Variants in KCNMA1 observed in about 807,000 individuals in gnomAD.
KCNMA1 encodes Calcium-activated potassium channel subunit alpha-1.
KCNMA1 carries 29 observed loss-of-function variants against 140.0 expected under a neutral mutation model. The observed-to-expected ratio is 0.21, with a 90% CI of 0.15 to 0.28. The LOEUF is 0.28. KCNMA1 is among the 10% of genes least tolerant of loss of function. The pLI is 1.00. For missense variants in KCNMA1, 880 were observed against 1,602.2 expected (o/e 0.55, Z 7.70); for synonymous variants, 612 against 611.9 (o/e 1.00, Z 0.00).
intron 23 of KCNMA1, among the ~76,000 whole-genome samples, chr10:76,919,059 G>T (rs909220223): frequency 2.6e-5 from 4 of 152,042 alleles, no homozygotes; most frequent in African/African-American, 9.7e-5. Context: ...ACTCAGGAAT[G>T]GAAAACCAAA....
intron 2 of KCNMA1, among the ~76,000 whole-genome samples, chr10:77,372,278 G>A (rs2094788544): frequency 6.6e-6 from 1 of 152,038 alleles, no homozygotes; most frequent in Admixed American, 6.5e-5. Flanking sequence ...TTCCTGTTTT[G>A]CCCACGATTG....
At chr10:76,906,201 G>A (rs563731106) in intron 25 of KCNMA1, among the ~76,000 whole-genome samples, 2 of 145,420 alleles carry the variant, frequency 1.4e-5, no homozygotes, top group East Asian at 1.9e-4. Context: ...GCTGGGGTTG[G>A]GAGAAAGTGA....
chr10:76,927,480 CGGGCATTGT>C (rs2058056208), intron 23 of KCNMA1, among the ~76,000 whole-genome samples: 1 of 152,116 alleles, frequency 6.6e-6, no homozygotes, highest in African/African-American at 2.4e-5. Flanking sequence ...GATGCTATCT[CGGGCATTGT>C]GGGCTTTAAA....
chr10:76,898,072 A>C (rs1038294863), intron 25 of KCNMA1, among the ~76,000 whole-genome samples: 2 of 151,940 alleles, frequency 1.3e-5, no homozygotes, highest in African/African-American at 4.8e-5. Context: ...AAGCATGTAA[A>C]AAACATAATG....
At chr10:77,468,613 C>T (rs2098085262) in intron 1 of KCNMA1, among the ~76,000 whole-genome samples, 1 of 152,134 alleles carries the variant, frequency 6.6e-6, no homozygotes, top group African/African-American at 2.4e-5. Flanking sequence ...TGGAACCGAT[C>T]CTTCCTTCAC....
At chr10:77,491,995 G>A (rs2040104442) in intron 1 of KCNMA1, among the ~76,000 whole-genome samples, 1 of 152,148 alleles carries the variant, frequency 6.6e-6, no homozygotes, top group Admixed American at 6.5e-5. Flanking sequence ...GGAGGGAATG[G>A]GCGAGCATCT....
chr10:76,899,843 A>C lies in KCNMA1; in HGVS notation c.3148-8124T>G, dbSNP rs192810117. ...GTACAGACATGAATATTGTGCTTTC[A>C]GATAATATTTAATGGCATGGTAATA... On this transcript the variant is annotated intron_variant, in intron 25 of 27. Transcript: ENST00000286628. Among the ~76,000 whole-genome samples, 32 of 152,290 alleles carry C rather than the reference A, an allele frequency of 2.1e-4. 1 individual carries two copies. In the East Asian group the frequency reaches 6.2e-3, roughly 29 times the overall value.
chr10:77,593,595 A>T (rs2154565149), intron 1 of KCNMA1, among the ~76,000 whole-genome samples: 1 of 152,310 alleles, frequency 6.6e-6, no homozygotes, highest in East Asian at 1.9e-4. Flanking sequence ...ATTTTTATAC[A>T]CATTATCTTG....
chr10:77,408,549 CGTGT>C (rs965668702), intron 1 of KCNMA1, among the ~76,000 whole-genome samples: 1 of 152,144 alleles, frequency 6.6e-6, no homozygotes, highest in East Asian at 1.9e-4. Flanking sequence ...CTCACACATG[CGTGT>C]GTGTGTCTGT....
intron 10 of KCNMA1, 50 bp from the exon 11 acceptor site, chr10:77,086,643 T>G: frequency 1.2e-5 from 15 of 1,300,532 alleles, no homozygotes; most frequent in Non-Finnish European, 1.6e-5. Flanking sequence ...CTCGGGGGTT[T>G]CAGCCTCCAT....
At chr10:76,882,863 G>A (rs1175712055), downstream of KCNMA1, among the ~76,000 whole-genome samples, 32 of 152,186 alleles carry the variant, frequency 2.1e-4, no homozygotes, top group Admixed American at 2.1e-3. Flanking sequence ...ATCATATTGT[G>A]ACAAAGCAGG....
intron 14 of KCNMA1, among the ~76,000 whole-genome samples, chr10:77,042,865 A>G (rs1475086910): frequency 1.3e-5 from 2 of 152,208 alleles, no homozygotes; most frequent in African/African-American, 2.4e-5. Context: ...TCATTCAGCA[A>G]ATATTGACTG....
intron 1 of KCNMA1, among the ~76,000 whole-genome samples, chr10:77,529,518 T>C (rs1250230622): frequency 6.6e-6 from 1 of 152,002 alleles, no homozygotes; most frequent in African/African-American, 2.4e-5. Flanking sequence ...CCACCTCAGC[T>C]GTAAGCTTCT....
At chr10:76,932,718 A>G (rs1000428578) in intron 23 of KCNMA1, among the ~76,000 whole-genome samples, 1 of 152,168 alleles carries the variant, frequency 6.6e-6, no homozygotes, top group Non-Finnish European at 1.5e-5. Flanking sequence ...TTAACCCTCC[A>G]TGACTGCATC....
chr10:77,272,635 A>AATATATAT (rs376246850), intron 2 of KCNMA1, among the ~76,000 whole-genome samples: 11 of 150,572 alleles, frequency 7.3e-5, no homozygotes, highest in African/African-American at 2.7e-4. Context: ...AAATGAAGTA[A>AATATATAT]ATATATATAT....
intron 1 of KCNMA1, among the ~76,000 whole-genome samples, chr10:77,571,185 C>A (rs2071142242): frequency 6.6e-6 from 1 of 152,148 alleles, no homozygotes. Flanking sequence ...ATATCTGAAA[C>A]CCTCGGGAAT....
intron 1 of KCNMA1, among the ~76,000 whole-genome samples, chr10:77,572,548 G>A (rs1268428022): frequency 1.5e-4 from 9 of 60,842 alleles, no homozygotes; most frequent in East Asian, 6.8e-4. Context: ...AAACTCTGTC[G>A]CTCCAAAAAA....
intron 1 of KCNMA1, among the ~76,000 whole-genome samples, chr10:77,559,605 C>CA (rs1194258534): frequency 1.1e-3 from 171 of 152,334 alleles, no homozygotes; most frequent in African/African-American, 4.0e-3. Flanking sequence ...AGGGATCCTC[C>CA]ATTCCTGCTG....
chr10:77,552,542 G>A (rs2063113815), intron 1 of KCNMA1, among the ~76,000 whole-genome samples: 1 of 152,176 alleles, frequency 6.6e-6, no homozygotes, highest in South Asian at 2.1e-4. Flanking sequence ...CAACTACCAG[G>A]TGGACAAGCA....
Sources: allele counts gnomAD v4.1 joint callset (sites outside exome capture counted in the v4.1 genomes callset), GRCh38; gene constraint gnomAD v4.1.1; transcripts MANE v1.5; gene names NCBI Gene and HGNC (gene_info 2026-07-23, HGNC 2026-07-21).